Variants in ADGRB3 observed in about 807,000 individuals in gnomAD.
The protein encoded by ADGRB3 is adhesion G protein-coupled receptor B3.
In ADGRB3, 37 loss-of-function variants were observed where a neutral mutation model predicts 193.4. That is an observed-to-expected ratio of 0.19 (90% confidence interval 0.15 to 0.25). The LOEUF (loss-of-function observed/expected upper bound fraction) is 0.25. Ranked by LOEUF, ADGRB3 falls within the 10% of genes least tolerant of loss-of-function variation. The pLI, the probability that ADGRB3 is intolerant of heterozygous loss-of-function variation, is 1.00. For missense variants in ADGRB3, 1,637 were observed against 1,852.9 expected, an observed-to-expected ratio of 0.88 and a Z score of 2.14; for synonymous variants, 690 against 644.2, an observed-to-expected ratio of 1.07 and a Z score of -1.08.
chr6:69,131,062 C>G (rs1324296127), intron 17 of ADGRB3, among the ~76,000 whole-genome samples: 1 of 151,742 alleles, frequency 6.6e-6, no homozygotes, highest in African/African-American at 2.4e-5. Flanking sequence ...AAGACATGAA[C>G]TTCAAATGTT....
intron 3 of ADGRB3, among the ~76,000 whole-genome samples, chr6:68,821,526 T>G (rs1439724675): frequency 6.6e-6 from 1 of 151,986 alleles, no homozygotes; most frequent in Admixed American, 6.6e-5. Context: ...ATTTTGCCAC[T>G]TGGTAACATA....
chr6:69,388,523 T>C (rs900983904), intron 31 of ADGRB3, among the ~76,000 whole-genome samples, 180 bp from the exon 32 acceptor site: 2 of 152,112 alleles, frequency 1.3e-5, no homozygotes, highest in African/African-American at 4.8e-5. Flanking sequence ...TATTCATCAG[T>C]TTGTTCAATG....
chr6:68,731,636 A>C, intron 3 of ADGRB3, among the ~76,000 whole-genome samples: 1 of 151,624 alleles, frequency 6.6e-6, no homozygotes, highest in East Asian at 1.9e-4. Context: ...TTTTTGCATT[A>C]GTCACAAACA....
intron 26 of ADGRB3, among the ~76,000 whole-genome samples, chr6:69,352,996 A>G (rs1490056223): frequency 1.3e-5 from 2 of 152,244 alleles, no homozygotes; most frequent in Non-Finnish European, 2.9e-5. Context: ...GGGAAAGTCA[A>G]TAATATGAAG....
At chr6:68,940,941 T>C (rs1038978434) in intron 5 of ADGRB3, among the ~76,000 whole-genome samples, 8 of 152,174 alleles carry the variant, frequency 5.3e-5, no homozygotes, top group Non-Finnish European at 8.8e-5. Flanking sequence ...TACAGCTCAA[T>C]CTAAATCACG....
In ADGRB3 at chr6:69,379,401, A is replaced by G. The variant is rs545893008; in HGVS notation, c.4276-3430A>G. ...AAAAACAGCTAAATGAAATAGACCA[A>G]TAGATTTATAAGCATGAAAACTTCT... is the stretch of plus-strand genomic sequence containing the variant. On this transcript the variant is annotated intron_variant, in intron 30 of 31. Transcript: ENST00000370598. Among the ~76,000 whole-genome samples the G allele has an allele frequency of 2.5e-4, 38 of 152,180 alleles. No individual in the cohort carries two copies. In the South Asian group the frequency reaches 3.5e-3, roughly 14 times the overall value.
intron 20 of ADGRB3, among the ~76,000 whole-genome samples, chr6:69,305,718 GA>G (rs1768054678): frequency 6.6e-6 from 1 of 151,252 alleles, no homozygotes; most frequent in South Asian, 2.1e-4. Flanking sequence ...CAGGCTCATG[GA>G]AATAATCCAC....
intron 20 of ADGRB3, among the ~76,000 whole-genome samples, chr6:69,262,824 TA>T (rs11358055): frequency 0.037 from 5,607 of 149,728 alleles, 307 homozygotes; most frequent in African/African-American, 0.12. Flanking sequence ...GTATGTGTCA[TA>T]AAAAAAAAAT....
intron 10 of ADGRB3, among the ~76,000 whole-genome samples, chr6:68,991,628 G>A (rs191049337): frequency 1.3e-5 from 2 of 151,930 alleles, no homozygotes; most frequent in Non-Finnish European, 2.9e-5. Flanking sequence ...ATGTTATTGA[G>A]GAAGAGCAAA....
chr6:68,936,957 T>G (rs1318292573), intron 5 of ADGRB3, among the ~76,000 whole-genome samples: 1 of 152,172 alleles, frequency 6.6e-6, no homozygotes, highest in East Asian at 1.9e-4. Flanking sequence ...TCAATTATCT[T>G]TCTGTGTTTT....
chr6:69,269,334 G>GA (rs1388426238), intron 20 of ADGRB3, among the ~76,000 whole-genome samples: 3 of 151,650 alleles, frequency 2.0e-5, no homozygotes, highest in Non-Finnish European at 4.4e-5. Flanking sequence ...CATTTTCAGA[G>GA]AAAAAAACAT....
At chr6:68,794,166 C>T (rs994106107) in intron 3 of ADGRB3, among the ~76,000 whole-genome samples, 5 of 152,126 alleles carry the variant, frequency 3.3e-5, no homozygotes, top group Admixed American at 6.6e-5. Context: ...AAATAAATTG[C>T]TTATGTATAT....
intron 17 of ADGRB3, among the ~76,000 whole-genome samples, chr6:69,179,557 T>G (rs372219512): frequency 6.6e-6 from 1 of 152,352 alleles, no homozygotes; most frequent in South Asian, 2.1e-4. Flanking sequence ...ATTCAGATTT[T>G]TCATGGTGCC....
At chr6:69,048,388 T>G (rs1771299524) in intron 14 of ADGRB3, 54 bp downstream of exon 14, 7 of 1,523,072 alleles carry the variant, frequency 4.6e-6, no homozygotes, top group Non-Finnish European at 5.4e-6. Flanking sequence ...TAAGGTCATT[T>G]AATTAGAAAT....
At chr6:68,997,271 T>A in intron 11 of ADGRB3, among the ~76,000 whole-genome samples, 1 of 152,232 alleles carries the variant, frequency 6.6e-6, no homozygotes, top group East Asian at 1.9e-4. Context: ...TGCATATACT[T>A]TTTTCTATTG....
chr6:68,661,601 T>G (rs1283438086), intron 3 of ADGRB3, among the ~76,000 whole-genome samples: 1 of 144,380 alleles, frequency 6.9e-6, no homozygotes, highest in Admixed American at 7.1e-5. Flanking sequence ...TGGATTTAGA[T>G]TGGACTTTCA....
At chr6:68,989,261 G>T (rs1014509800) in intron 10 of ADGRB3, among the ~76,000 whole-genome samples, 1 of 151,914 alleles carries the variant, frequency 6.6e-6, no homozygotes, top group Non-Finnish European at 1.5e-5. Context: ...AGACATGAAA[G>T]AACAGAAATA....
chr6:69,326,816 AAGGAGGAAAGGGAAG>A (rs1167034173), intron 21 of ADGRB3, among the ~76,000 whole-genome samples: 1 of 151,992 alleles, frequency 6.6e-6, no homozygotes, highest in African/African-American at 2.4e-5. Flanking sequence ...GGAGAAACAG[AAGGAGGAAAGGGAAG>A]AGGAGGAAAG....
chr6:69,182,578 T>C (rs1775616398), intron 17 of ADGRB3, among the ~76,000 whole-genome samples: 1 of 152,120 alleles, frequency 6.6e-6, no homozygotes, highest in African/African-American at 2.4e-5. Context: ...GAGACTCTAA[T>C]CTTTGCTGAG....
Sources: gnomAD v4.1 joint callset for allele counts (sites outside exome capture counted in the v4.1 genomes callset) on GRCh38, gnomAD v4.1.1 for gene constraint, MANE v1.5 for transcripts, NCBI Gene and HGNC (gene_info 2026-07-23, HGNC 2026-07-21) for gene names.